The following FGFR1 variants were observed in gnomAD, a reference collection of about 807,000 sequenced individuals.
FGFR1 encodes FGFR1/PLAG1 fusion.
In FGFR1, 18 loss-of-function variants were observed where a neutral mutation model predicts 93.7. That is an observed-to-expected ratio of 0.19 (90% CI 0.13 to 0.28). The LOEUF (loss-of-function observed/expected upper bound fraction) is 0.28. FGFR1 is among the 10% of genes least tolerant of loss of function. The pLI is 1.00. For synonymous variants in FGFR1, 448 were observed against 429.3 expected, an observed-to-expected ratio of 1.04 and a Z score of -0.54; for missense variants, 731 against 1,080.4, an observed-to-expected ratio of 0.68 and a Z score of 4.53.
chr8:38,457,187 A>T (rs978920419), intron 2 of FGFR1, among the ~76,000 whole-genome samples, 169 bp downstream of exon 2: 1 of 152,224 alleles, frequency 6.6e-6, no homozygotes. Flanking sequence ...ACCAGACCAG[A>T]ACCAACCCAG....
chr8:38,464,522 G>A (rs369509150), intron 1 of FGFR1, among the ~76,000 whole-genome samples: 5 of 152,094 alleles, frequency 3.3e-5, no homozygotes, highest in Non-Finnish European at 7.4e-5. Flanking sequence ...GTGGCGAGGA[G>A]AGAATTTCTG....
chr8:38,442,370 T>C (rs1391975194), intron 2 of FGFR1, among the ~76,000 whole-genome samples: 1 of 151,392 alleles, frequency 6.6e-6, no homozygotes, highest in Non-Finnish European at 1.5e-5. Flanking sequence ...GTGGTGTGTG[T>C]GTGTGTGTGT....
Position 38,429,666 on chromosome 8 carries a change from GGGCTT to G in FGFR1, c.358+11_358+15del. The G allele has an allele frequency of 6.4e-7, 1 of 1,560,036 alleles. No homozygotes were observed. Among genetic ancestry groups the G allele is most frequent in the Non-Finnish European group, 8.7e-7 (1 of 1,151,568 alleles). ...GTGGGTCTAGGGAGGGGCAAGGGCAGGGCTTGGCTACCAACCTGAAACATTGACGG... is the reference window on the plus strand; with the variant it reads ...GTGGGTCTAGGGAGGGGCAAGGGCAGGGCTACCAACCTGAAACATTGACGG... On this transcript the variant is annotated intron_variant, in intron 3 of 17. Coordinates refer to ENST00000447712, the MANE Select transcript of FGFR1 (RefSeq NM_023110.3). The surrounding 1 kb of genome is among the most constrained non-coding windows in gnomAD (Gnocchi z 4.4).
At chr8:38,445,729 A>G (rs1031257027) in intron 2 of FGFR1, among the ~76,000 whole-genome samples, 2 of 147,666 alleles carry the variant, frequency 1.4e-5, no homozygotes, top group Non-Finnish European at 3.0e-5. Context: ...TAATATTTTT[A>G]GTAGAGACAC....
intron 8 of FGFR1, 160 bp downstream of exon 8, chr8:38,421,637 G>T (rs1818818047): frequency 1.3e-6 from 1 of 787,328 alleles, no homozygotes; most frequent in Non-Finnish European, 2.2e-6. Context: ...TGAGCTGAGA[G>T]GATTCAGCCC....
At chr8:38,458,127 C>G (rs574526545) in intron 1 of FGFR1, among the ~76,000 whole-genome samples, 1 of 152,158 alleles carries the variant, frequency 6.6e-6, no homozygotes, top group Non-Finnish European at 1.5e-5. Context: ...GTATGTGCTA[C>G]AAAGTGAATG....
At chr8:38,443,316 C>T (rs1020642076) in intron 2 of FGFR1, among the ~76,000 whole-genome samples, 7 of 152,088 alleles carry the variant, frequency 4.6e-5, no homozygotes, top group African/African-American at 1.7e-4. Context: ...TGGATCAAAA[C>T]ATCATACCGT....
chr8:38,434,615 T>C (rs1824571232), intron 2 of FGFR1: 1 of 240,612 alleles, frequency 4.2e-6, no homozygotes, highest in Admixed American at 4.1e-5. Context: ...TCTTTTCCTT[T>C]CCTCCTCTGA....
At chr8:38,467,706 G>T (rs1313675565) in intron 1 of FGFR1, 1 of 233,494 alleles carries the variant, frequency 4.3e-6, no homozygotes, top group South Asian at 1.8e-4. Flanking sequence ...GCTCCCGAGC[G>T]CGAGTTGGAG....
intron 11 of FGFR1, 165 bp from the exon 12 acceptor site, chr8:38,417,581 T>C (rs1372464760): frequency 5.3e-6 from 4 of 751,494 alleles, no homozygotes; most frequent in Non-Finnish European, 4.6e-6. Context: ...GGAGCCGTTG[T>C]TGCAATAGGT....
intron 8 of FGFR1, chr8:38,420,208 T>C (rs1208241152): frequency 1.8e-5 from 3 of 169,434 alleles, no homozygotes; most frequent in Non-Finnish European, 2.6e-5. Context: ...AGACACGGGG[T>C]CCCTGAGGGC....
Position 38,426,018 on chromosome 8 carries a change from G to A in FGFR1, c.745+104C>T, listed in dbSNP as rs562582050. 16 of 1,511,568 alleles carry A rather than the reference G, an allele frequency of 1.1e-5. No homozygotes were observed. The East Asian group carries it at 2.0e-4, about 19-fold the overall frequency. The allele number at this position is 1,511,568 out of a possible 1,614,324, so 93.6% of individuals were successfully genotyped here. A position where few individuals can be genotyped will look rare whatever the true frequency, so the allele number is the denominator to read the frequency against. On this transcript the variant is annotated intron_variant, in intron 6 of 17. Transcript: ENST00000447712. This position sits in a 1 kb window ranked among gnomAD's most constrained non-coding sequence, Gnocchi z 4.1. The stretch of plus-strand genomic sequence containing the variant: ...GTGACAAAGCCAAGAAGTGCCAATC[G>A]CTATCCTGACTCTGCCCCTAAGAAA...
intron 9 of FGFR1, 179 bp from the exon 10 acceptor site, chr8:38,418,552 G>T: frequency 2.9e-6 from 2 of 685,176 alleles, no homozygotes; most frequent in Non-Finnish European, 4.8e-6. Context: ...TTCTAGGACT[G>T]ACCTATTTCT....
chr8:38,448,278 ATT>A (rs200939148), intron 2 of FGFR1, among the ~76,000 whole-genome samples: 71 of 136,324 alleles, frequency 5.2e-4, no homozygotes, highest in Non-Finnish European at 6.5e-4. Flanking sequence ...CAAAACACCA[ATT>A]TTTTTTTTTT....
Position 38,424,643 on chromosome 8 carries a change from C to T in FGFR1, c.802G>A (p.Ala268Thr). 1.2e-6 allele frequency: 2 copies of T among 1,613,014 alleles called. No individual in the cohort carries two copies. The highest frequency in any genetic ancestry group is 1.7e-5 in the Admixed American group (1 of 60,010). The change falls in exon 7 of 18, where the codon GCC becomes ACC. Residue 268 changes from alanine (A) to threonine (T), a missense_variant. By Grantham distance (58) the Ala-to-Thr change is moderately conservative (BLOSUM62 0). Transcript: ENST00000447712. The surrounding 1 kb of genome is among the most constrained non-coding windows in gnomAD (Gnocchi z 4.3). ...ATGAACTCCACGTTGCTACCCAGGGCCACTGTTTTGTTGGCGGGCAACCCT... is the reference window on the plus strand; with the variant it reads ...ATGAACTCCACGTTGCTACCCAGGGTCACTGTTTTGTTGGCGGGCAACCCT... ...QAGLPANKTV[A>T]LGSNVEFMCK...
chr8:38,434,091 G>A (rs1328139751), intron 2 of FGFR1, among the ~76,000 whole-genome samples: 2 of 152,206 alleles, frequency 1.3e-5, no homozygotes, highest in Non-Finnish European at 2.9e-5. Context: ...CATAGAATCA[G>A]CACTTTGTTC....
At chr8:38,448,443 C>T (rs1830069245) in intron 2 of FGFR1, among the ~76,000 whole-genome samples, 1 of 152,134 alleles carries the variant, frequency 6.6e-6, no homozygotes, top group Admixed American at 6.5e-5. Context: ...CCACACCTGG[C>T]CAATTTTTGT....
In FGFR1 at chr8:38,419,528, C is replaced by G. The variant is rs2150703926; in HGVS notation, c.1284+5G>C. 1 of 1,613,894 alleles carries G rather than the reference C, an allele frequency of 6.2e-7. No individual in the cohort carries two copies. The highest frequency in any genetic ancestry group is 8.5e-7 in the Non-Finnish European group (1 of 1,179,820). ...GCTGAGTGTGCAAATCCCCCATCTA[C>G]TTTCTGTTACCTGTCTGCGCAGAGG... On this transcript the variant is annotated splice_donor_5th_base_variant and intron_variant, in intron 9 of 17. Transcript: ENST00000447712.
chr8:38,457,405 G>A lies in FGFR1; in HGVS notation c.42C>T (p.Val14=), dbSNP rs1016034870. ...WKCLLFWAVL[V]TATLCTARPS... ...GCCTAGCGGTGCAGAGTGTGGCTGTGACCAGCACAGCCCAGAAGAGGAGGC... is the reference window on the plus strand; with the variant it reads ...GCCTAGCGGTGCAGAGTGTGGCTGTAACCAGCACAGCCCAGAAGAGGAGGC... The change falls in exon 2 of 18, where the codon GTC becomes GTT. Residue 14 remains valine (V), a synonymous_variant. Transcript: ENST00000447712. 5.0e-6 allele frequency: 8 copies of A among 1,613,930 alleles called. No homozygotes were observed. The highest frequency in any genetic ancestry group is 3.3e-5 in the Admixed American group (2 of 60,024).
Sources: allele counts gnomAD v4.1 joint callset (sites outside exome capture counted in the v4.1 genomes callset), GRCh38; gene constraint gnomAD v4.1.1; non-coding constraint Gnocchi (gnomAD v3.1); transcripts MANE v1.5; gene names NCBI Gene and HGNC (gene_info 2026-07-23, HGNC 2026-07-21).